DTNB: variants seen among roughly 807,000 people sequenced by gnomAD.
The protein encoded by DTNB is dystrobrevin beta, also known as DTN-B.
Under a neutral mutation model 90.7 loss-of-function variants are expected in DTNB, and 63 were observed. That is an observed-to-expected ratio of 0.69 (90% CI 0.57 to 0.86). The LOEUF (loss-of-function observed/expected upper bound fraction) is 0.86. DTNB is among the 40% of genes least tolerant of loss of function. The pLI is 0.00. For synonymous variants in DTNB, 277 were observed against 286.7 expected (o/e 0.97, Z 0.34); for missense variants, 744 against 807.1 (o/e 0.92, Z 0.95).
chr2:25,511,018 T>C (rs2073826811), intron 9 of DTNB, among the ~76,000 whole-genome samples: 1 of 152,212 alleles, frequency 6.6e-6, no homozygotes, highest in South Asian at 2.1e-4. Context: ...AATTATAAAT[T>C]ATAACATGCT....
rs73922412 is a variant in DTNB, at chr2:25,529,798, T to A, written c.1001+1675A>T. On this transcript the variant is annotated intron_variant, in intron 9 of 20. Coordinates refer to ENST00000406818, the MANE Select transcript of DTNB (RefSeq NM_021907.5). ...TGTAATGAAGGATACTAACTGTAAA[T>A]GCCATTATTTGGCTTTATTAGATTT... Among the ~76,000 whole-genome samples the A allele has an allele frequency of 5.6e-3, 858 of 152,300 alleles. 7 individuals are homozygous for A. The highest frequency in any genetic ancestry group is 0.02 in the African/African-American group (816 of 41,550).
chr2:25,575,244 A>AC (rs60509178), intron 8 of DTNB, among the ~76,000 whole-genome samples: 338 of 145,424 alleles, frequency 2.3e-3, no homozygotes, highest in African/African-American at 7.6e-3. Flanking sequence ...ACACACACAC[A>AC]AAAAAAAAAA....
intron 16 of DTNB, among the ~76,000 whole-genome samples, chr2:25,393,589 C>A (rs570368908): frequency 6.6e-6 from 1 of 151,958 alleles, no homozygotes; most frequent in East Asian, 1.9e-4. Flanking sequence ...ATATCAACAG[C>A]GACCAAGCTG....
chr2:25,641,954 G>A (rs1166525646), intron 2 of DTNB, among the ~76,000 whole-genome samples: 1 of 152,108 alleles, frequency 6.6e-6, no homozygotes, highest in East Asian at 1.9e-4. Context: ...CCGAGTAGCT[G>A]GGACAACAGG....
At chr2:25,517,151 T>C (rs2075282694) in intron 9 of DTNB, among the ~76,000 whole-genome samples, 1 of 152,150 alleles carries the variant, frequency 6.6e-6, no homozygotes, top group Non-Finnish European at 1.5e-5. Flanking sequence ...TTGAAACAAA[T>C]GGATAAACCC....
chr2:25,547,271 CTT>C (rs371065720), intron 8 of DTNB, among the ~76,000 whole-genome samples: 2 of 123,864 alleles, frequency 1.6e-5, no homozygotes, highest in Admixed American at 8.0e-5. Flanking sequence ...CTGTATACTT[CTT>C]TTTTTTTTTA....
chr2:25,598,516 G>T (rs569294685), intron 5 of DTNB, among the ~76,000 whole-genome samples: 2 of 152,282 alleles, frequency 1.3e-5, no homozygotes, highest in East Asian at 3.9e-4. Context: ...AGGTTAACTT[G>T]CTTAAGGTCA....
chr2:25,426,171 T>C (rs749013774), intron 15 of DTNB, among the ~76,000 whole-genome samples: 9 of 152,252 alleles, frequency 5.9e-5, no homozygotes, highest in South Asian at 2.1e-4. Context: ...GTTATTTTTA[T>C]GTGTCAACTT....
intron 8 of DTNB, among the ~76,000 whole-genome samples, chr2:25,557,107 T>A (rs181823202): frequency 2.6e-5 from 4 of 152,284 alleles, no homozygotes; most frequent in Admixed American, 2.0e-4. Context: ...GGAAGGAGTG[T>A]GACCAATATT....
In DTNB at chr2:25,391,721, CT is replaced by C. The variant is rs2041174109; in HGVS notation, c.1576-3361del. On this transcript the variant is annotated intron_variant, in intron 16 of 20. Coordinates refer to ENST00000406818, the MANE Select transcript of DTNB (RefSeq NM_021907.5). Reference sequence around the variant, plus strand: ...AAGAAAACCAAAATCATATCAAGCACTCTATCAGACGACATTAGAATAAAAT... The same window carrying C: ...AAGAAAACCAAAATCATATCAAGCACCTATCAGACGACATTAGAATAAAAT... 7.2e-5 allele frequency among the ~76,000 whole-genome samples: 11 copies of C among 152,262 alleles called. No individual in the cohort carries two copies. In the South Asian group the frequency reaches 2.3e-3, roughly 32 times the overall value.
At chr2:25,557,411 G>C (rs1364965117) in intron 8 of DTNB, among the ~76,000 whole-genome samples, 1 of 152,148 alleles carries the variant, frequency 6.6e-6, no homozygotes, top group Non-Finnish European at 1.5e-5. Context: ...TTCCAAAGCT[G>C]TCACAAGTGC....
intron 8 of DTNB, among the ~76,000 whole-genome samples, chr2:25,538,429 C>T (rs2080343152): frequency 1.3e-5 from 2 of 152,034 alleles, no homozygotes; most frequent in South Asian, 4.2e-4. Flanking sequence ...TATACACACA[C>T]CAAAGAGTAT....
intron 6 of DTNB, among the ~76,000 whole-genome samples, chr2:25,593,673 G>A (rs2063992608): frequency 6.6e-6 from 1 of 151,994 alleles, no homozygotes; most frequent in Admixed American, 6.6e-5. Context: ...TATGTCATAA[G>A]GTTAATTTGC....
At chr2:25,667,474 G>A (rs898001559) in intron 1 of DTNB, among the ~76,000 whole-genome samples, 2 of 151,776 alleles carry the variant, frequency 1.3e-5, no homozygotes, top group Non-Finnish European at 2.9e-5. Flanking sequence ...CACCCTAGGC[G>A]ACAGAGCCAG....
intron 15 of DTNB, among the ~76,000 whole-genome samples, chr2:25,422,686 C>A (rs184081924): frequency 8.2e-4 from 125 of 152,148 alleles, no homozygotes; most frequent in African/African-American, 2.9e-3. Context: ...GCATGAGCCA[C>A]CACGCCTGGC....
At chr2:25,600,836 GTTATAC>G in intron 5 of DTNB, among the ~76,000 whole-genome samples, 2 of 152,216 alleles carry the variant, frequency 1.3e-5, no homozygotes, top group East Asian at 3.9e-4. Context: ...TATTATTTCA[GTTATAC>G]TTAGTTACTA....
intron 1 of DTNB, among the ~76,000 whole-genome samples, chr2:25,654,510 A>T (rs188780922): frequency 1.5e-4 from 23 of 152,360 alleles, no homozygotes; most frequent in Admixed American, 6.5e-4. Context: ...CCACGTAACG[A>T]AATTTTAAAA....
intron 2 of DTNB, among the ~76,000 whole-genome samples, chr2:25,643,471 G>A (rs1287098182): frequency 2.0e-5 from 3 of 152,192 alleles, no homozygotes; most frequent in Admixed American, 6.5e-5. Context: ...GAATAAACAC[G>A]TTAAAATTGG....
In DTNB at chr2:25,379,335, T is replaced by C. The variant is rs1026882813; in HGVS notation, c.1880-12A>G. 1 of 1,315,558 alleles carries C rather than the reference T, an allele frequency of 7.6e-7. No individual in the cohort carries two copies. The highest frequency in any genetic ancestry group is 9.8e-7 in the Non-Finnish European group (1 of 1,022,946). 81.5% of individuals were successfully genotyped at this position (1,315,558 alleles called of 1,614,324 possible). The stretch of plus-strand genomic sequence containing the variant: ...GCTCCTCTGCTAACCTGTGGCAGCA[T>C]GGGCAGAAACAACACACTGAGGTCA... On this transcript the variant is annotated splice_polypyrimidine_tract_variant and intron_variant, in intron 19 of 20. Coordinates refer to ENST00000406818, the MANE Select transcript of DTNB (RefSeq NM_021907.5).
Sources: allele counts gnomAD v4.1 joint callset (sites outside exome capture counted in the v4.1 genomes callset), GRCh38; gene constraint gnomAD v4.1.1; transcripts MANE v1.5; gene names NCBI Gene and HGNC (gene_info 2026-07-23, HGNC 2026-07-21).